Variants in SPRED2 observed in about 807,000 individuals in gnomAD.
The protein encoded by SPRED2 is sprouty related EVH1 domain containing 2.
SPRED2 carries 47 observed loss-of-function variants against 43.0 expected under a neutral mutation model. The ratio of observed to expected loss-of-function variants is 1.09; its 90% confidence interval spans 0.87 to 1.40. The LOEUF is 1.40. Ranked by LOEUF, SPRED2 falls within the 40% of genes most tolerant of loss-of-function variation. SPRED2 has a pLI of 0.00. For synonymous variants in SPRED2, 225 were observed against 225.7 expected (o/e 1.00, Z 0.03); for missense variants, 561 against 586.4 (o/e 0.96, Z 0.45).
At chr2:65,352,361 A>G (rs1191882382) in intron 1 of SPRED2, among the ~76,000 whole-genome samples, 1 of 151,856 alleles carries the variant, frequency 6.6e-6, no homozygotes, top group Non-Finnish European at 1.5e-5. Context: ...AGGCTTCTCC[A>G]CAGTTATTTA....
At chr2:65,406,931 CTTTT>C (rs571460201) in intron 1 of SPRED2, among the ~76,000 whole-genome samples, 1 of 143,834 alleles carries the variant, frequency 7.0e-6, no homozygotes, top group African/African-American at 2.5e-5. Context: ...TTTAGTCTCT[CTTTT>C]TTTTTTTTTT....
At chr2:65,398,095 G>A (rs1675799516) in intron 1 of SPRED2, among the ~76,000 whole-genome samples, 1 of 152,134 alleles carries the variant, frequency 6.6e-6, no homozygotes, top group Non-Finnish European at 1.5e-5. Flanking sequence ...AATACTTGCA[G>A]ACAACTGATC....
chr2:65,308,399 C>T, downstream of SPRED2: 1 of 985,440 alleles, frequency 1.0e-6, no homozygotes, highest in Non-Finnish European at 1.2e-6. Flanking sequence ...TGTGAACATA[C>T]CTGGAGGGGT....
chr2:65,311,306 C>T lies in SPRED2; in HGVS notation c.*2195G>A, dbSNP rs964847410. ...CCATGGCTGTCTTTGTGCCCTTAAC[C>T]GATGCCTTCACAAACCAAAAAGTAT... On this transcript the variant is annotated 3_prime_UTR_variant, in exon 6 of 6. Coordinates refer to ENST00000356388, the MANE Select transcript of SPRED2 (RefSeq NM_181784.3). 11 of 985,678 alleles carry T rather than the reference C, an allele frequency of 1.1e-5. No homozygotes were observed. Among genetic ancestry groups the T allele is most frequent in the South Asian group, 4.7e-5 (1 of 21,278 alleles). 61.1% of individuals were successfully genotyped at this position (985,678 alleles called of 1,614,324 possible).
intron 1 of SPRED2, among the ~76,000 whole-genome samples, chr2:65,426,296 A>C (rs1161217496): frequency 6.6e-6 from 1 of 151,380 alleles, no homozygotes; most frequent in Non-Finnish European, 1.5e-5. Flanking sequence ...CAGGAGGCTT[A>C]TATATATATA....
intron 1 of SPRED2, among the ~76,000 whole-genome samples, chr2:65,401,933 GCGCGCACACACA>G (rs1207962066): frequency 5.5e-4 from 46 of 83,754 alleles, no homozygotes; most frequent in Non-Finnish European, 5.2e-4. Flanking sequence ...ATTAGCGCGC[GCGCGCACACACA>G]CACACACACA....
At chr2:65,428,718 G>A (rs1181627694) in intron 1 of SPRED2, among the ~76,000 whole-genome samples, 2 of 152,224 alleles carry the variant, frequency 1.3e-5, no homozygotes, top group African/African-American at 2.4e-5. Context: ...ACAGAGAAGA[G>A]TTCATGAAAG....
intron 5 of SPRED2, among the ~76,000 whole-genome samples, chr2:65,315,204 T>A (rs1311476833): frequency 2.7e-5 from 4 of 146,018 alleles, no homozygotes; most frequent in Non-Finnish European, 5.9e-5. Flanking sequence ...TTTTCAGGGG[T>A]TGAGGAACGT....
At chr2:65,366,169 T>G (rs1474607433) in intron 1 of SPRED2, among the ~76,000 whole-genome samples, 2 of 152,230 alleles carry the variant, frequency 1.3e-5, no homozygotes, top group African/African-American at 2.4e-5. Context: ...ACAATAGTAA[T>G]TGTTAGACCA....
At position 65,431,961 on chromosome 2, in the gene SPRED2, C is replaced by G; in HGVS notation, c.26+1G>C. The G allele has an allele frequency of 1.2e-6, 2 of 1,613,828 alleles. No homozygotes were observed. The highest frequency in any genetic ancestry group is 1.7e-6 in the Non-Finnish European group (2 of 1,179,884). On this transcript the variant is annotated splice_donor_variant, in intron 1 of 5. Coordinates refer to ENST00000356388, the MANE Select transcript of SPRED2 (RefSeq NM_181784.3). LOFTEE classifies it high-confidence loss of function. Reference sequence around the variant, plus strand: ...TCGTCCCACCCCGCGACCAAACTTACTCGTCTGGGTGTGTTTCTTCGGTCA... The same window carrying G: ...TCGTCCCACCCCGCGACCAAACTTAGTCGTCTGGGTGTGTTTCTTCGGTCA...
intron 1 of SPRED2, among the ~76,000 whole-genome samples, chr2:65,382,799 G>A (rs545780480): frequency 1.3e-5 from 2 of 152,136 alleles, no homozygotes; most frequent in African/African-American, 4.8e-5. Context: ...TAGTCAGTTC[G>A]TACAAGCCTC....
intron 1 of SPRED2, among the ~76,000 whole-genome samples, chr2:65,376,418 G>A (rs531916390): frequency 6.6e-6 from 1 of 152,216 alleles, no homozygotes; most frequent in South Asian, 2.1e-4. Flanking sequence ...TAATTTATCT[G>A]TACAATGTAA....
chr2:65,428,202 T>G (rs1470453377), intron 1 of SPRED2, among the ~76,000 whole-genome samples: 1 of 152,222 alleles, frequency 6.6e-6, no homozygotes, highest in Non-Finnish European at 1.5e-5. Context: ...CCCTGTACTA[T>G]AAGCTTTACG....
intron 1 of SPRED2, among the ~76,000 whole-genome samples, chr2:65,404,321 G>A (rs1461297505): frequency 2.0e-5 from 3 of 152,154 alleles, no homozygotes; most frequent in Non-Finnish European, 4.4e-5. Context: ...GGGAAAGTCT[G>A]TAATCAAATA....
chr2:65,394,693 A>C (rs1212685444), intron 1 of SPRED2, among the ~76,000 whole-genome samples: 9 of 152,136 alleles, frequency 5.9e-5, no homozygotes, highest in Non-Finnish European at 1.3e-4. Context: ...TACGGTACGA[A>C]GATTGCTAGG....
At chr2:65,334,459 A>G in intron 3 of SPRED2, 146 bp downstream of exon 3, 1 of 871,108 alleles carries the variant, frequency 1.1e-6, no homozygotes, top group Non-Finnish European at 1.8e-6. Context: ...CTCTCCTTGG[A>G]AATTCCAAAA....
intron 4 of SPRED2, among the ~76,000 whole-genome samples, chr2:65,322,288 A>ATTTT (rs1286632853): frequency 7.9e-5 from 7 of 88,546 alleles, no homozygotes; most frequent in African/African-American, 3.8e-4. Flanking sequence ...ATATATATAT[A>ATTTT]TATATATTTT....
At position 65,311,587 on chromosome 2, in the gene SPRED2, C is replaced by T. The variant is rs570879640; in HGVS notation, c.*1914G>A. The T allele has an allele frequency of 1.1e-4, 112 of 985,820 alleles. No homozygotes were observed. The highest frequency in any genetic ancestry group is 9.2e-4 in the Admixed American group (15 of 16,282). The allele number at this position is 985,820 out of a possible 1,614,324, so 61.1% of individuals were successfully genotyped here. ...TCCGGGTCGGGGGAAGGTGGTCTCT[C>T]GACAGCACTGGAGGCTGGCTGAAGG... On this transcript the variant is annotated 3_prime_UTR_variant, in exon 6 of 6. Transcript: ENST00000356388.
intron 1 of SPRED2, among the ~76,000 whole-genome samples, chr2:65,430,964 G>T (rs1231834149): frequency 1.3e-5 from 2 of 152,118 alleles, no homozygotes; most frequent in Non-Finnish European, 1.5e-5. Context: ...GACTTGAGGC[G>T]TCGGGCCCCG....
Sources: allele counts gnomAD v4.1 joint callset (sites outside exome capture counted in the v4.1 genomes callset), GRCh38; gene constraint gnomAD v4.1.1; transcripts MANE v1.5; gene names NCBI Gene and HGNC (gene_info 2026-07-23, HGNC 2026-07-21).